The following NEBL variants were observed in gnomAD, a reference collection of about 807,000 sequenced individuals.
NEBL encodes the protein nebulette, also known as LIM and SH3 protein 2.
In NEBL, 122 loss-of-function variants were observed where a neutral mutation model predicts 140.2. That is an observed-to-expected ratio of 0.87 (90% CI 0.75 to 1.01). NEBL has a LOEUF of 1.01. Ranked by LOEUF, NEBL falls within the 50% of genes least tolerant of loss-of-function variation. The pLI is 0.00. For missense variants in NEBL, 1,365 were observed against 1,231.3 expected, an observed-to-expected ratio of 1.11 and a Z score of -1.62; for synonymous variants, 436 against 398.9, an observed-to-expected ratio of 1.09 and a Z score of -1.11.
chr10:20,954,380 A>T (rs138122667), intron 4 of NEBL, among the ~76,000 whole-genome samples: 16 of 152,368 alleles, frequency 1.1e-4, no homozygotes, highest in Non-Finnish European at 2.1e-4. Flanking sequence ...CTGTATAGAA[A>T]AAAAGACACA....
chr10:20,810,767 G>C (rs1838061774), intron 24 of NEBL, among the ~76,000 whole-genome samples: 1 of 152,166 alleles, frequency 6.6e-6, no homozygotes, highest in Non-Finnish European at 1.5e-5. Flanking sequence ...CAGAAATGGG[G>C]CTACAGCAAA....
chr10:21,216,195 C>T (rs1489158637), intron 3 of NEBL, among the ~76,000 whole-genome samples: 1 of 152,178 alleles, frequency 6.6e-6, no homozygotes, highest in Non-Finnish European at 1.5e-5. Flanking sequence ...ACCACCAGAA[C>T]ACATCCCACT....
At chr10:21,146,538 A>C (rs749135240) in intron 2 of NEBL, 2 of 1,574,102 alleles carry the variant, frequency 1.3e-6, no homozygotes, top group East Asian at 4.5e-5. Context: ...AAAATGGTGA[A>C]AATGGTGCTG....
intron 12 of NEBL, among the ~76,000 whole-genome samples, chr10:20,844,513 T>TC (rs555225430): frequency 2.2e-5 from 3 of 138,970 alleles, no homozygotes; most frequent in African/African-American, 7.7e-5. Flanking sequence ...TTAAAAAACA[T>TC]AAAAAAAAAA....
At position 21,261,762 on chromosome 10, in the gene NEBL, G is replaced by A. The variant is rs866799516; in HGVS notation, n.183-9934C>T. Among the ~76,000 whole-genome samples, 13 of 152,110 alleles carry A rather than the reference G, an allele frequency of 8.5e-5. No homozygotes were observed. In the South Asian group the frequency reaches 1.9e-3, roughly 22 times the overall value. On this transcript the variant is annotated intron_variant and non_coding_transcript_variant, in intron 1 of 8. Transcript: ENST00000675702. ...CCTTCAATAAAGGATACTGAGCCTCGTGATAGACTTGTTTTTATCCTAATC... is the reference window on the plus strand; with the variant it reads ...CCTTCAATAAAGGATACTGAGCCTCATGATAGACTTGTTTTTATCCTAATC...
At chr10:20,865,786 T>G (rs1844211414) in intron 7 of NEBL, among the ~76,000 whole-genome samples, 1 of 152,218 alleles carries the variant, frequency 6.6e-6, no homozygotes, top group African/African-American at 2.4e-5. Flanking sequence ...AAGTCCCTTG[T>G]TAACTGTAAA....
rs1835698300 is a variant in NEBL, at chr10:21,069,060, T to C, written c.165-48859A>G. Among the ~76,000 whole-genome samples, 8 of 152,198 alleles carry C rather than the reference T, an allele frequency of 5.3e-5. No homozygotes were observed. In the South Asian group the frequency reaches 1.7e-3, roughly 32 times the overall value. ...CATGCCACCACACCTGGATACTTTTTATATTTTTTGTAGAGACAGTGTCTC... is the reference window on the plus strand; with the variant it reads ...CATGCCACCACACCTGGATACTTTTCATATTTTTTGTAGAGACAGTGTCTC... On this transcript the variant is annotated intron_variant, in intron 2 of 6. Transcript: ENST00000417816.
At chr10:21,045,521 G>C (rs1258534028) in intron 2 of NEBL, among the ~76,000 whole-genome samples, 2 of 152,110 alleles carry the variant, frequency 1.3e-5, no homozygotes, top group Non-Finnish European at 2.9e-5. Context: ...AAACTGAATA[G>C]TAAGAAAACA....
chr10:21,003,010 T>C (rs1837974933), intron 3 of NEBL, among the ~76,000 whole-genome samples: 1 of 141,380 alleles, frequency 7.1e-6, no homozygotes, highest in Admixed American at 8.1e-5. Flanking sequence ...TGGCTTTTTT[T>C]TTTTTTTTTT....
At chr10:21,022,694 A>G (rs1589145033) in intron 2 of NEBL, among the ~76,000 whole-genome samples, 1 of 152,220 alleles carries the variant, frequency 6.6e-6, no homozygotes, top group African/African-American at 2.4e-5. Context: ...CTTAATAGAT[A>G]TTATCAGACC....
At chr10:21,181,968 A>T (rs1841395578) in intron 3 of NEBL, among the ~76,000 whole-genome samples, 1 of 152,172 alleles carries the variant, frequency 6.6e-6, no homozygotes, top group Non-Finnish European at 1.5e-5. Context: ...GGAAGTGAGG[A>T]GGTGGACTGG....
intron 1 of NEBL, among the ~76,000 whole-genome samples, chr10:21,283,896 G>A (rs1044541927): frequency 5.9e-5 from 9 of 151,908 alleles, no homozygotes; most frequent in South Asian, 2.1e-4. Flanking sequence ...GTCCTCCATC[G>A]GACTCTAAGT....
At chr10:20,953,458 A>G (rs1835605863) in intron 4 of NEBL, among the ~76,000 whole-genome samples, 1 of 151,136 alleles carries the variant, frequency 6.6e-6, no homozygotes, top group African/African-American at 2.4e-5. Context: ...ACGCTGCCCA[A>G]CCTGCAATAT....
intron 4 of NEBL, among the ~76,000 whole-genome samples, chr10:20,922,928 G>T (rs1002405080): frequency 2.0e-5 from 3 of 152,198 alleles, no homozygotes; most frequent in African/African-American, 7.2e-5. Context: ...ACTTCAGGCA[G>T]AGATAAGGCA....
chr10:21,109,547 T>C (rs1837877191), intron 2 of NEBL, among the ~76,000 whole-genome samples: 1 of 152,194 alleles, frequency 6.6e-6, no homozygotes, highest in Admixed American at 6.5e-5. Flanking sequence ...TCTTTTTCTA[T>C]TGATTGGAAT....
intron 4 of NEBL, among the ~76,000 whole-genome samples, chr10:20,910,067 CTACTT>C (rs568032522): frequency 4.5e-4 from 68 of 152,230 alleles, no homozygotes; most frequent in African/African-American, 1.6e-3. Context: ...GGGTAGGACT[CTACTT>C]TAAAAAGTTG....
intron 7 of NEBL, among the ~76,000 whole-genome samples, chr10:20,862,874 A>AT (rs199848081): frequency 0.024 from 3,571 of 151,680 alleles, 130 homozygotes; most frequent in African/African-American, 0.081. Flanking sequence ...TTTTTTATTA[A>AT]TTTTTTTTAT....
At chr10:20,953,850 C>T (rs548318468) in intron 4 of NEBL, among the ~76,000 whole-genome samples, 3 of 152,002 alleles carry the variant, frequency 2.0e-5, no homozygotes, top group East Asian at 1.9e-4. Flanking sequence ...TTACCTCATT[C>T]GTTTATTCCA....
intron 4 of NEBL, among the ~76,000 whole-genome samples, chr10:20,882,097 GATCC>G (rs1346125501): frequency 4.3e-4 from 65 of 152,242 alleles, no homozygotes; most frequent in Admixed American, 1.2e-3. Context: ...AGGATTGCCT[GATCC>G]CAGGAGGTCG....
Sources: gnomAD v4.1 joint callset for allele counts (sites outside exome capture counted in the v4.1 genomes callset) on GRCh38, gnomAD v4.1.1 for gene constraint, MANE v1.5 for transcripts, NCBI Gene and HGNC (gene_info 2026-07-23, HGNC 2026-07-21) for gene names.